Variants in ASAP2 observed in about 807,000 individuals in gnomAD.
ASAP2 encodes the protein arf-GAP with SH3 domain, ANK repeat and PH domain-containing protein 2.
ASAP2 carries 45 observed loss-of-function variants against 131.4 expected under a neutral mutation model. That is an observed-to-expected ratio of 0.34 (90% confidence interval 0.27 to 0.44). The LOEUF (loss-of-function observed/expected upper bound fraction) is 0.44. ASAP2 is among the 20% of genes least tolerant of loss of function. The pLI is 1.00. For synonymous variants in ASAP2, 510 were observed against 503.0 expected (o/e 1.01, Z -0.19); for missense variants, 1,011 against 1,297.0 (o/e 0.78, Z 3.39).
intron 12 of ASAP2, among the ~76,000 whole-genome samples, chr2:9,352,220 CACACACACACACACACACACACACACAA>C (rs1179987178): frequency 0.019 from 60 of 3,138 alleles, no homozygotes; most frequent in Admixed American, 0.03. Context: ...CAAACACACA[CACACACACACACACACACACACACACAA>C]ACACACACAC....
intron 3 of ASAP2, among the ~76,000 whole-genome samples, chr2:9,310,958 C>T (rs1413412873): frequency 1.3e-5 from 2 of 152,172 alleles, no homozygotes; most frequent in Non-Finnish European, 2.9e-5. Flanking sequence ...GCCTGCCCCA[C>T]TGACTGAATC....
intron 3 of ASAP2, among the ~76,000 whole-genome samples, chr2:9,299,685 C>G (rs1013218896): frequency 1.3e-5 from 2 of 152,178 alleles, no homozygotes; most frequent in Admixed American, 6.5e-5. Context: ...ACGTAGGAGA[C>G]GGGTGGAGGC....
chr2:9,264,266 G>A (rs1665788564), intron 1 of ASAP2, among the ~76,000 whole-genome samples: 1 of 152,056 alleles, frequency 6.6e-6, no homozygotes, highest in African/African-American at 2.4e-5. Flanking sequence ...ACAACTTGTG[G>A]GGAAGGAGGG....
intron 2 of ASAP2, among the ~76,000 whole-genome samples, chr2:9,296,877 G>A (rs141708233): frequency 2.6e-3 from 398 of 152,310 alleles, no homozygotes; most frequent in Non-Finnish European, 4.0e-3. Flanking sequence ...AGGAGAAGGA[G>A]CTGCTGTGTG....
At chr2:9,211,147 C>T (rs1472692879) in intron 1 of ASAP2, among the ~76,000 whole-genome samples, 2 of 141,092 alleles carry the variant, frequency 1.4e-5, no homozygotes, top group Non-Finnish European at 3.1e-5. Flanking sequence ...AAGAGTGAAA[C>T]TGCGTCTCAA....
At chr2:9,319,227 A>G (rs1025448189) in intron 4 of ASAP2, among the ~76,000 whole-genome samples, 1 of 152,234 alleles carries the variant, frequency 6.6e-6, no homozygotes, top group African/African-American at 2.4e-5. Flanking sequence ...GCGCATCGCC[A>G]GCCCTGACAG....
chr2:9,266,274 G>A (rs1284100580), intron 1 of ASAP2, among the ~76,000 whole-genome samples: 1 of 151,182 alleles, frequency 6.6e-6, no homozygotes, highest in Non-Finnish European at 1.5e-5. Context: ...AGCCTCACCA[G>A]TAACTGGGAC....
chr2:9,316,066 C>G lies in ASAP2; in HGVS notation c.346-2458C>G, dbSNP rs13394050. ...AGGCGTGGTGGCTCATGCCTGTAATCCCAGCACTTTGAGAGGCCGAGGAGG... is the reference window on the plus strand; with the variant it reads ...AGGCGTGGTGGCTCATGCCTGTAATGCCAGCACTTTGAGAGGCCGAGGAGG... On this transcript the variant is annotated intron_variant, in intron 3 of 27. Coordinates refer to ENST00000281419, the MANE Select transcript of ASAP2 (RefSeq NM_003887.3). 3.1e-3 allele frequency among the ~76,000 whole-genome samples: 466 copies of G among 152,214 alleles called. 4 individuals are homozygous for G. The highest frequency in any genetic ancestry group is 1.0e-2 in the African/African-American group (414 of 41,522).
chr2:9,287,715 G>A (rs1246937045), intron 2 of ASAP2, among the ~76,000 whole-genome samples: 2 of 152,208 alleles, frequency 1.3e-5, no homozygotes, highest in Non-Finnish European at 2.9e-5. Context: ...GGGAGGTGAG[G>A]ACGTGGGCTC....
intron 3 of ASAP2, among the ~76,000 whole-genome samples, chr2:9,308,967 A>G (rs1289846977): frequency 2.0e-5 from 3 of 152,164 alleles, no homozygotes; most frequent in Non-Finnish European, 4.4e-5. Context: ...CGGCCTTTAG[A>G]AAGAACAGAG....
At position 9,389,128 on chromosome 2, in the gene ASAP2, CTT is replaced by C. The variant is rs1675524229; in HGVS notation, c.2383+584_2383+585del. 6.6e-6 allele frequency among the ~76,000 whole-genome samples: 1 copy of C among 152,344 alleles called. No homozygotes were observed. The highest frequency in any genetic ancestry group is 2.1e-4 in the South Asian group (1 of 4,830). Reference sequence around the variant, plus strand: ...GGAGGTTTTGACTCAACAGGTGACACTTTCTGTTTTTAGAAATACGCAAACCA... The same window carrying C: ...GGAGGTTTTGACTCAACAGGTGACACTCTGTTTTTAGAAATACGCAAACCA... On this transcript the variant is annotated intron_variant, in intron 22 of 27. Transcript: ENST00000281419. This position sits in a 1 kb window ranked among gnomAD's most constrained non-coding sequence, Gnocchi z 4.7.
Position 9,281,599 on chromosome 2 carries a change from T to G in ASAP2, c.199+2210T>G, listed in dbSNP as rs1667131799. On this transcript the variant is annotated intron_variant, in intron 2 of 27. Transcript: ENST00000281419. This position sits in a 1 kb window ranked among gnomAD's most constrained non-coding sequence, Gnocchi z 4.0. ...CTGCCTAAAACTCTATAGCATTTTT[T>G]CATCACCCTCTTTGAAGTTCGTGGA... Among the ~76,000 whole-genome samples, 1 of 152,222 alleles carries G rather than the reference T, an allele frequency of 6.6e-6. No homozygotes were observed. The highest frequency in any genetic ancestry group is 1.5e-5 in the Non-Finnish European group (1 of 68,046).
chr2:9,383,593 C>T (rs982374955), intron 20 of ASAP2, among the ~76,000 whole-genome samples: 2 of 152,082 alleles, frequency 1.3e-5, no homozygotes, highest in African/African-American at 4.8e-5. Flanking sequence ...GCAAGCTGCA[C>T]CTACATTTTA....
chr2:9,317,752 T>C, intron 3 of ASAP2, among the ~76,000 whole-genome samples: 1 of 149,478 alleles, frequency 6.7e-6, no homozygotes, highest in Non-Finnish European at 1.5e-5. Flanking sequence ...ACACTCACAC[T>C]CACATCCGTA....
At chr2:9,350,186 C>A (rs778742052) in intron 11 of ASAP2, among the ~76,000 whole-genome samples, 7 of 151,880 alleles carry the variant, frequency 4.6e-5, no homozygotes, top group Non-Finnish European at 1.0e-4. Context: ...ATGTTGTGAT[C>A]GCTTGGTGTC....
chr2:9,374,042 G>A (rs1674193162), intron 16 of ASAP2, among the ~76,000 whole-genome samples: 1 of 152,228 alleles, frequency 6.6e-6, no homozygotes, highest in Non-Finnish European at 1.5e-5. Context: ...CTAGAGAGAT[G>A]AAATACTTAT....
intron 19 of ASAP2, among the ~76,000 whole-genome samples, chr2:9,379,518 G>A (rs1381888086): frequency 6.6e-6 from 1 of 152,140 alleles, no homozygotes; most frequent in Non-Finnish European, 1.5e-5. Flanking sequence ...AAGGGCCCTG[G>A]TTGTTACTTG....
At chr2:9,225,964 G>A (rs917569700) in intron 1 of ASAP2, among the ~76,000 whole-genome samples, 1 of 152,206 alleles carries the variant, frequency 6.6e-6, no homozygotes, top group African/African-American at 2.4e-5. Context: ...TGGGTTCTGC[G>A]GAGTTCCTGC....
At position 9,378,834 on chromosome 2, in the gene ASAP2, G is replaced by A. The variant is rs116965888; in HGVS notation, c.1833-110G>A. On this transcript the variant is annotated intron_variant, in intron 18 of 27. Transcript: ENST00000281419. ...GATGATTTACAGAAACCGTTCACTC[G>A]GGGACTGTCTGCCTTTCCTGTGCCC... 120 of 654,332 alleles carry A rather than the reference G, an allele frequency of 1.8e-4. No homozygotes were observed. In the East Asian group the frequency reaches 3.1e-3, roughly 17 times the overall value. The allele number at this position is 654,332 out of a possible 1,614,324, so 40.5% of individuals were successfully genotyped here. A position where few individuals can be genotyped will look rare whatever the true frequency, so the allele number is the denominator to read the frequency against.
Sources: allele counts gnomAD v4.1 joint callset (sites outside exome capture counted in the v4.1 genomes callset), GRCh38; gene constraint gnomAD v4.1.1; non-coding constraint Gnocchi (gnomAD v3.1); transcripts MANE v1.5; gene names NCBI Gene and HGNC (gene_info 2026-07-23, HGNC 2026-07-21).